The following GALNT13 variants were observed in gnomAD, a reference collection of about 807,000 sequenced individuals.
The protein encoded by GALNT13 is UDP-GalNAc:polypeptide N-acetylgalactosaminyltransferase 13.
A neutral mutation model predicts 64.2 loss-of-function variants in GALNT13; 28 were observed. The observed-to-expected ratio is 0.44, with a 90% CI of 0.32 to 0.60. GALNT13 has a LOEUF of 0.60. GALNT13 is among the 20% of genes least tolerant of loss of function. GALNT13 has a pLI of 0.05. For synonymous variants in GALNT13, 214 were observed against 224.6 expected (o/e 0.95, Z 0.42); for missense variants, 577 against 669.8 (o/e 0.86, Z 1.53).
the GALNT13 span, among the ~76,000 whole-genome samples, chr2:153,409,226 G>C: frequency 6.7e-6 from 1 of 149,860 alleles, no homozygotes; most frequent in Non-Finnish European, 1.5e-5. Context: ...ATCATGGGAC[G>C]TCACCTTGTG....
chr2:153,991,204 G>C (rs1695136850), intron 3 of GALNT13, among the ~76,000 whole-genome samples: 1 of 152,146 alleles, frequency 6.6e-6, no homozygotes, highest in African/African-American at 2.4e-5. Context: ...ATAATGTTTG[G>C]AATACTGTTT....
chr2:154,310,748 G>C (rs958990948), intron 9 of GALNT13, among the ~76,000 whole-genome samples: 2 of 151,962 alleles, frequency 1.3e-5, no homozygotes, highest in African/African-American at 2.4e-5. Flanking sequence ...CAGACTACCT[G>C]GGTTAATTCA....
At chr2:154,007,855 T>C (rs2105238402) in intron 3 of GALNT13, among the ~76,000 whole-genome samples, 1 of 152,068 alleles carries the variant, frequency 6.6e-6, no homozygotes, top group South Asian at 2.1e-4. Flanking sequence ...ATATATAGTC[T>C]TAGGTTGTCT....
the GALNT13 span, among the ~76,000 whole-genome samples, chr2:153,403,177 G>A: frequency 0.064 from 9,153 of 142,434 alleles, 453 homozygotes; most frequent in Middle Eastern, 0.13. Context: ...GTCTGTTGGA[G>A]TACCCTGCCG....
At chr2:153,287,366 G>A in the GALNT13 span, among the ~76,000 whole-genome samples, 67,781 of 152,048 alleles carry the variant, frequency 0.45, 15,510 homozygotes, top group Non-Finnish European at 0.5. Flanking sequence ...GCTTGTGTTA[G>A]TCAGCTCAGT....
chr2:154,168,862 G>C (rs1004118567), intron 4 of GALNT13, among the ~76,000 whole-genome samples: 2 of 151,700 alleles, frequency 1.3e-5, no homozygotes, highest in African/African-American at 4.8e-5. Context: ...AAATAAAAAA[G>C]AGAAAGAAAA....
chr2:153,239,735 A>G, the GALNT13 span, among the ~76,000 whole-genome samples: 2 of 152,120 alleles, frequency 1.3e-5, no homozygotes. Flanking sequence ...TGCTAGTATT[A>G]TGAGGATTTT....
At chr2:153,104,449 A>G in the GALNT13 span, among the ~76,000 whole-genome samples, 2 of 152,192 alleles carry the variant, frequency 1.3e-5, no homozygotes, top group African/African-American at 4.8e-5. Flanking sequence ...TGGTAGCCCT[A>G]GGCATACATA....
chr2:154,448,895 G>C (rs754564133), intron 12 of GALNT13, among the ~76,000 whole-genome samples: 1 of 151,886 alleles, frequency 6.6e-6, no homozygotes, highest in Non-Finnish European at 1.5e-5. Context: ...TCTAATAGAA[G>C]TATGCAATGG....
the GALNT13 span, chr2:153,446,959 A>T: frequency 6.6e-6 from 1 of 152,234 alleles, no homozygotes; most frequent in Non-Finnish European, 1.5e-5. Flanking sequence ...AAACATAGTG[A>T]TGACGAATAT....
chr2:154,225,902 T>C lies in GALNT13; in HGVS notation c.312-16128T>C, dbSNP rs537963185. Among the ~76,000 whole-genome samples, 11 of 152,194 alleles carry C rather than the reference T, an allele frequency of 7.2e-5. No individual in the cohort carries two copies. In the South Asian group the frequency reaches 1.9e-3, roughly 26 times the overall value. On this transcript the variant is annotated intron_variant, in intron 4 of 12. Transcript: ENST00000392825. The stretch of plus-strand genomic sequence containing the variant: ...CTCTCTGTGCAACAGTCCTTCCTTA[T>C]GGGTGTGGGGCAGGACCCTCTCCAG...
At chr2:153,093,102 A>G in the GALNT13 span, among the ~76,000 whole-genome samples, 1 of 151,636 alleles carries the variant, frequency 6.6e-6, no homozygotes, top group African/African-American at 2.4e-5. Flanking sequence ...CAGCATCAAT[A>G]GAATTTATCA....
chr2:153,332,174 A>G, the GALNT13 span, among the ~76,000 whole-genome samples: 6 of 151,966 alleles, frequency 3.9e-5, no homozygotes, highest in East Asian at 7.7e-4. Context: ...TTTCAATTTC[A>G]TTCATTTCTG....
the GALNT13 span, among the ~76,000 whole-genome samples, chr2:153,828,908 T>C: frequency 6.6e-6 from 1 of 152,314 alleles, no homozygotes; most frequent in South Asian, 2.1e-4. Context: ...CCAGATACCC[T>C]AAATCATCTC....
the GALNT13 span, among the ~76,000 whole-genome samples, chr2:153,359,466 G>A: frequency 1.3e-5 from 2 of 151,292 alleles, no homozygotes; most frequent in African/African-American, 4.8e-5. Flanking sequence ...AGTAAAACAG[G>A]AAAAACAGTC....
intron 3 of GALNT13, among the ~76,000 whole-genome samples, chr2:154,014,537 G>A (rs1696864056): frequency 6.7e-6 from 1 of 150,084 alleles, no homozygotes; most frequent in African/African-American, 2.4e-5. Flanking sequence ...TATTCCCAGT[G>A]CCTGGCTGTG....
At chr2:153,842,607 GA>G in the GALNT13 span, among the ~76,000 whole-genome samples, 1 of 151,014 alleles carries the variant, frequency 6.6e-6, no homozygotes, top group Non-Finnish European at 1.5e-5. Context: ...TTTTTCTGAA[GA>G]AAAATTAAAC....
chr2:153,325,703 T>A, the GALNT13 span, among the ~76,000 whole-genome samples: 2 of 152,210 alleles, frequency 1.3e-5, no homozygotes, highest in African/African-American at 4.8e-5. Flanking sequence ...TGTGTCTTTG[T>A]TCTCATTGGT....
the GALNT13 span, among the ~76,000 whole-genome samples, chr2:153,474,363 A>C: frequency 6.6e-6 from 1 of 152,102 alleles, no homozygotes; most frequent in African/African-American, 2.4e-5. Context: ...TTCCCTTCCT[A>C]ATTCAGAGTT....
Sources: allele counts gnomAD v4.1 joint callset (sites outside exome capture counted in the v4.1 genomes callset), GRCh38; gene constraint gnomAD v4.1.1; transcripts MANE v1.5; gene names NCBI Gene and HGNC (gene_info 2026-07-23, HGNC 2026-07-21).